NIPAL2: variants seen among roughly 807,000 people sequenced by gnomAD.
NIPAL2 encodes NIPA like domain containing 2.
NIPAL2 carries 43 observed loss-of-function variants against 48.9 expected under a neutral mutation model. The observed-to-expected ratio is 0.88, with a 90% CI of 0.69 to 1.13. NIPAL2 has a LOEUF of 1.13. Among genes scored for constraint, NIPAL2 ranks in the 50% most tolerant of loss-of-function variants. The pLI, the probability that NIPAL2 is intolerant of heterozygous loss-of-function variation, is 0.00. For synonymous variants in NIPAL2, 167 were observed against 174.6 expected (o/e 0.96, Z 0.34); for missense variants, 446 against 461.4 (o/e 0.97, Z 0.31).
intron 5 of NIPAL2, among the ~76,000 whole-genome samples, chr8:98,218,272 G>C (rs1231053947): frequency 6.6e-6 from 1 of 152,182 alleles, no homozygotes. Flanking sequence ...TAATTTGTTG[G>C]TAAGGCTTCA....
chr8:98,268,252 G>A (rs1167089710), intron 1 of NIPAL2, among the ~76,000 whole-genome samples: 1 of 151,574 alleles, frequency 6.6e-6, no homozygotes, highest in Non-Finnish European at 1.5e-5. Flanking sequence ...CATTTTTTTT[G>A]GTAATATATG....
rs1024734064 is a variant in NIPAL2 at position 98,263,549 on chromosome 8, G to A, written c.136-9462C>T. Among the ~76,000 whole-genome samples the A allele has an allele frequency of 7.7e-4, 116 of 149,874 alleles. 1 individual carries two copies. Among genetic ancestry groups the A allele is most frequent in the African/African-American group, 2.8e-3 (111 of 40,210 alleles). ...TCTAGAAGAAATTGATAAATTCCTC[G>A]ACACATACACTCTCCCAAGACTAAA... On this transcript the variant is annotated intron_variant, in intron 1 of 10. Coordinates refer to ENST00000430223, the MANE Select transcript of NIPAL2 (RefSeq NM_001321635.2).
intron 2 of NIPAL2, among the ~76,000 whole-genome samples, chr8:98,253,076 C>G (rs1165015232): frequency 6.6e-6 from 1 of 152,072 alleles, no homozygotes; most frequent in African/African-American, 2.4e-5. Context: ...TCTCGGTTAT[C>G]AGATCAGCTG....
intron 9 of NIPAL2, among the ~76,000 whole-genome samples, chr8:98,195,049 T>C (rs758152810): frequency 4.6e-5 from 7 of 152,230 alleles, no homozygotes; most frequent in Non-Finnish European, 7.3e-5. Context: ...GTTTTTACCA[T>C]CTGGGGGCTA....
chr8:98,287,256 C>T (rs191227204), intron 1 of NIPAL2, among the ~76,000 whole-genome samples: 1 of 152,310 alleles, frequency 6.6e-6, no homozygotes, highest in African/African-American at 2.4e-5. Context: ...ACACCTCTAT[C>T]AGCTGTTCCC....
chr8:98,251,396 G>A (rs1350168465), intron 3 of NIPAL2, among the ~76,000 whole-genome samples: 1 of 152,090 alleles, frequency 6.6e-6, no homozygotes, highest in Non-Finnish European at 1.5e-5. Context: ...TAAATAGAAA[G>A]TGAGGTTTAC....
chr8:98,194,196 A>T (rs995410599), intron 10 of NIPAL2, among the ~76,000 whole-genome samples: 1 of 152,164 alleles, frequency 6.6e-6, no homozygotes, highest in African/African-American at 2.4e-5. Flanking sequence ...TGTTGTCTAC[A>T]TGACTAGGCG....
intron 4 of NIPAL2, among the ~76,000 whole-genome samples, chr8:98,233,734 A>T (rs1398089772): frequency 6.6e-6 from 1 of 152,164 alleles, no homozygotes; most frequent in Non-Finnish European, 1.5e-5. Flanking sequence ...ACATATTGAT[A>T]TTTTTATTTC....
chr8:98,194,149 C>T (rs1192535676), intron 10 of NIPAL2, among the ~76,000 whole-genome samples: 1 of 152,188 alleles, frequency 6.6e-6, no homozygotes, highest in Non-Finnish European at 1.5e-5. Flanking sequence ...GAAGAGGTGA[C>T]ACAGCAGACA....
rs542769934 is a variant in NIPAL2, at chr8:98,200,825, GA to G, written c.880+2282del. Reference sequence around the variant, plus strand: ...TAATAGCAGCCATCCTATTGGGTGTGAGATTATATCTCATTGTGGTTTTGAT... The same window carrying G: ...TAATAGCAGCCATCCTATTGGGTGTGGATTATATCTCATTGTGGTTTTGAT... On this transcript the variant is annotated intron_variant, in intron 8 of 10. Transcript: ENST00000430223. Among the ~76,000 whole-genome samples, 184 of 152,298 alleles carry G rather than the reference GA, an allele frequency of 1.2e-3. 1 individual carries two copies. Among genetic ancestry groups the G allele is most frequent in the African/African-American group, 4.4e-3 (181 of 41,578 alleles).
intron 3 of NIPAL2, among the ~76,000 whole-genome samples, chr8:98,241,423 T>A (rs1812975422): frequency 6.6e-6 from 1 of 152,252 alleles, no homozygotes; most frequent in African/African-American, 2.4e-5. Flanking sequence ...CTCACATTGC[T>A]AGAGTCACTG....
At chr8:98,289,810 C>T (rs1191319708) in intron 1 of NIPAL2, among the ~76,000 whole-genome samples, 1 of 152,224 alleles carries the variant, frequency 6.6e-6, no homozygotes, top group Admixed American at 6.5e-5. Flanking sequence ...GCAACCTCTA[C>T]TCAGCCCTTT....
In NIPAL2 at chr8:98,203,183, C is replaced by T; in HGVS notation, c.805G>A (p.Ala269Thr). ...GTTGTCGTATTGTAGAGTTTCGTGG[C>T]TTGATTCAGGAACCTAGGGCAGAAG... Reference protein sequence around the residue: ...CVFQVKFLNQATKLYNTTTVV... With the variant: ...CVFQVKFLNQTTKLYNTTTVV... The change falls in exon 8 of 11, where the codon GCC (alanine) becomes ACC (threonine). Residue 269 changes from alanine (A) to threonine (T), a missense_variant. Physicochemically the swap from Ala to Thr is moderately conservative, Grantham distance 58 (BLOSUM62 0). Transcript: ENST00000430223. 2 of 1,614,040 alleles carry T rather than the reference C, an allele frequency of 1.2e-6. No homozygotes were observed. The highest frequency in any genetic ancestry group is 1.3e-5 in the African/African-American group (1 of 75,040).
At position 98,244,667 on chromosome 8, in the gene NIPAL2, G is replaced by A. The variant is rs1323676018; in HGVS notation, c.376+7796C>T. ...GGTGGTGATGGGCTGTGGGGCCGTG[G>A]TGAACTATTCAAGATCAGTGAAAGG... is the stretch of plus-strand genomic sequence containing the variant. On this transcript the variant is annotated intron_variant, in intron 3 of 10. Coordinates refer to ENST00000430223, the MANE Select transcript of NIPAL2 (RefSeq NM_001321635.2). Among the ~76,000 whole-genome samples, 3 of 151,998 alleles carry A rather than the reference G, an allele frequency of 2.0e-5. No individual in the cohort carries two copies. The East Asian group carries it at 5.8e-4, about 29-fold the overall frequency.
intron 5 of NIPAL2, among the ~76,000 whole-genome samples, chr8:98,216,368 A>C (rs1042913612): frequency 1.3e-5 from 2 of 152,250 alleles, no homozygotes; most frequent in African/African-American, 4.8e-5. Context: ...GCCAGTATGC[A>C]GGTAAAGAAC....
intron 1 of NIPAL2, among the ~76,000 whole-genome samples, chr8:98,264,384 T>A (rs1240017150): frequency 1.9e-3 from 264 of 141,134 alleles, no homozygotes; most frequent in Middle Eastern, 3.5e-3. Context: ...GAAAACCCCA[T>A]TGTCTCAGCC....
intron 4 of NIPAL2, among the ~76,000 whole-genome samples, chr8:98,227,660 TCTC>T (rs1398035066): frequency 6.6e-6 from 1 of 152,090 alleles, no homozygotes; most frequent in African/African-American, 2.4e-5. Context: ...TTCTCTCTCC[TCTC>T]CTCAAGTGGA....
intron 5 of NIPAL2, among the ~76,000 whole-genome samples, chr8:98,216,821 C>T (rs1811602007): frequency 6.6e-6 from 1 of 152,190 alleles, no homozygotes; most frequent in Admixed American, 6.5e-5. Context: ...AGAATCAGGG[C>T]TGCATTTTCT....
intron 1 of NIPAL2, among the ~76,000 whole-genome samples, chr8:98,265,510 A>G (rs1357596006): frequency 2.5e-5 from 3 of 122,266 alleles, no homozygotes; most frequent in Admixed American, 8.8e-5. Flanking sequence ...ACATTTGTGT[A>G]GCCAAAAAAC....
Sources: allele counts gnomAD v4.1 joint callset (sites outside exome capture counted in the v4.1 genomes callset), GRCh38; gene constraint gnomAD v4.1.1; transcripts MANE v1.5; gene names NCBI Gene and HGNC (gene_info 2026-07-23, HGNC 2026-07-21).